CHST9: variants seen among roughly 807,000 people sequenced by gnomAD.
CHST9 encodes carbohydrate sulfotransferase 9.
In CHST9, 41 loss-of-function variants were observed where a neutral mutation model predicts 44.4. The observed-to-expected ratio is 0.92, with a 90% CI of 0.72 to 1.20. The LOEUF is 1.20. Ranked by LOEUF, CHST9 falls within the 50% of genes most tolerant of loss-of-function variation. The pLI, the probability that CHST9 is intolerant of heterozygous loss-of-function variation, is 0.00. For synonymous variants in CHST9, 171 were observed against 178.4 expected (o/e 0.96, Z 0.33); for missense variants, 504 against 516.5 (o/e 0.98, Z 0.23).
At chr18:27,122,056 AGAGGAGT>A (rs1269729228) in intron 2 of CHST9, among the ~76,000 whole-genome samples, 1 of 152,200 alleles carries the variant, frequency 6.6e-6, no homozygotes, top group Non-Finnish European at 1.5e-5. Flanking sequence ...CTAACAACCC[AGAGGAGT>A]AAAAGCAGGA....
At chr18:27,161,321 T>C in intron 1 of CHST9, among the ~76,000 whole-genome samples, 1 of 152,142 alleles carries the variant, frequency 6.6e-6, no homozygotes, top group Non-Finnish European at 1.5e-5. Context: ...TCTTTGTTCT[T>C]GTTTGTTTCA....
chr18:27,000,662 A>ATCTATCTATCTATCTATCTC (rs1568127530), intron 4 of CHST9, among the ~76,000 whole-genome samples: 2 of 131,588 alleles, frequency 1.5e-5, no homozygotes, highest in African/African-American at 5.3e-5. Flanking sequence ...CTATCTCTCT[A>ATCTATCTATCTATCTATCTC]TCTATCTATT....
chr18:27,076,411 C>T (rs948175342), intron 2 of CHST9, among the ~76,000 whole-genome samples: 8 of 152,040 alleles, frequency 5.3e-5, no homozygotes, highest in Non-Finnish European at 1.0e-4. Flanking sequence ...CACTAAGTTT[C>T]CACTTAAAAC....
chr18:27,075,131 T>A (rs1420041542), intron 2 of CHST9, among the ~76,000 whole-genome samples: 1 of 150,676 alleles, frequency 6.6e-6, no homozygotes, highest in African/African-American at 2.4e-5. Context: ...GCAGCTCTTA[T>A]GAGAGGGTTT....
chr18:27,054,075 G>C lies in CHST9; in HGVS notation c.122-5572C>G, dbSNP rs76186158. On this transcript the variant is annotated intron_variant, in intron 2 of 5. Transcript: ENST00000618847. ...CAGGACAAGTCGAGAGTCCCATATC[G>C]TTCTCTCTCCTGATGTCTAGCACCG... is the stretch of plus-strand genomic sequence containing the variant. Among the ~76,000 whole-genome samples the C allele has an allele frequency of 1.4e-3, 215 of 152,246 alleles. 2 individuals are homozygous for C. In the East Asian group the frequency reaches 0.034, roughly 24 times the overall value.
chr18:27,071,799 T>C lies in CHST9; in HGVS notation c.122-23296A>G, dbSNP rs139053085. 1.3e-3 allele frequency among the ~76,000 whole-genome samples: 193 copies of C among 152,262 alleles called. 3 individuals carry two copies. Among genetic ancestry groups the C allele is most frequent in the Admixed American group, 0.012 (180 of 15,296 alleles). On this transcript the variant is annotated intron_variant, in intron 2 of 5. Coordinates refer to ENST00000618847, the MANE Select transcript of CHST9 (RefSeq NM_031422.6). ...AAATAATGAGCAGGCATTAATATAATAACAAAGGGCCTTGGGGGGGATCCC... is the reference window on the plus strand; with the variant it reads ...AAATAATGAGCAGGCATTAATATAACAACAAAGGGCCTTGGGGGGGATCCC...
intron 2 of CHST9, among the ~76,000 whole-genome samples, chr18:27,085,344 T>G (rs1227678992): frequency 6.6e-6 from 1 of 152,124 alleles, no homozygotes; most frequent in Non-Finnish European, 1.5e-5. Flanking sequence ...ACCTACAGAA[T>G]GGAAGAAAAT....
intron 5 of CHST9, among the ~76,000 whole-genome samples, chr18:26,941,456 C>G (rs186111564): frequency 4.7e-4 from 72 of 152,074 alleles, no homozygotes; most frequent in African/African-American, 1.5e-3. Context: ...TTAGTTTTCC[C>G]ATTCTCATGC....
At chr18:27,183,696 G>A (rs968179405) in intron 1 of CHST9, among the ~76,000 whole-genome samples, 7 of 152,126 alleles carry the variant, frequency 4.6e-5, no homozygotes, top group African/African-American at 1.7e-4. Flanking sequence ...GAATCATACT[G>A]TTTGATCGTA....
At chr18:27,017,761 T>C (rs1401163022) in intron 4 of CHST9, among the ~76,000 whole-genome samples, 1 of 152,206 alleles carries the variant, frequency 6.6e-6, no homozygotes, top group African/African-American at 2.4e-5. Context: ...GAGAGAATAC[T>C]TAAGATCTGG....
chr18:26,984,727 GAC>G (rs1388937703), intron 4 of CHST9, among the ~76,000 whole-genome samples: 2 of 55,340 alleles, frequency 3.6e-5, no homozygotes, highest in African/African-American at 1.5e-4. Context: ...ATTACCAAAA[GAC>G]AAAAAAAAAA....
intron 1 of CHST9, among the ~76,000 whole-genome samples, chr18:27,161,076 G>A (rs1036219308): frequency 1.3e-5 from 2 of 151,668 alleles, no homozygotes; most frequent in African/African-American, 4.8e-5. Context: ...TGGATTCATT[G>A]ATTTTTTGAA....
intron 4 of CHST9, among the ~76,000 whole-genome samples, chr18:27,013,603 A>C (rs1283960514): frequency 6.6e-6 from 1 of 152,246 alleles, no homozygotes; most frequent in Non-Finnish European, 1.5e-5. Flanking sequence ...AAAAATTAGC[A>C]AAGAGCCTTA....
intron 2 of CHST9, among the ~76,000 whole-genome samples, chr18:27,062,846 C>T (rs141386873): frequency 0.01 from 1,541 of 152,236 alleles, 20 homozygotes; most frequent in African/African-American, 0.035. Flanking sequence ...TTTTAATGAT[C>T]GCCATTCTAA....
In CHST9 at chr18:27,048,447, C is replaced by T; in HGVS notation, c.160+18G>A. The T allele has an allele frequency of 6.3e-7, 1 of 1,592,988 alleles. No homozygotes were observed. The highest frequency in any genetic ancestry group is 8.6e-7 in the Non-Finnish European group (1 of 1,168,656). ...AAAATCAGGAAATAAAGCTGGAGCC[C>T]ATTGGACAAAATCTTACCTGAAGTT... On this transcript the variant is annotated intron_variant, in intron 3 of 5. Transcript: ENST00000618847.
intron 4 of CHST9, among the ~76,000 whole-genome samples, chr18:26,986,152 T>C (rs1343173325): frequency 2.0e-5 from 3 of 152,124 alleles, no homozygotes; most frequent in Non-Finnish European, 4.4e-5. Context: ...CAATTTAACT[T>C]AAACAGAAAT....
At chr18:27,113,206 AAT>A (rs1407835984) in intron 2 of CHST9, among the ~76,000 whole-genome samples, 3 of 151,050 alleles carry the variant, frequency 2.0e-5, no homozygotes, top group African/African-American at 7.4e-5. Context: ...AAAAAAAAAA[AAT>A]CAATTGATGA....
At chr18:27,037,242 C>A (rs557917163) in intron 3 of CHST9, among the ~76,000 whole-genome samples, 2 of 152,264 alleles carry the variant, frequency 1.3e-5, no homozygotes, top group Admixed American at 1.3e-4. Context: ...AAACCTGTTA[C>A]TTTTCACCCA....
chr18:27,006,994 C>T (rs568652444), intron 4 of CHST9, among the ~76,000 whole-genome samples: 7 of 152,108 alleles, frequency 4.6e-5, no homozygotes, highest in Admixed American at 1.3e-4. Context: ...TGTGTGTGTG[C>T]GTGTATATGC....
Sources: gnomAD v4.1 joint callset for allele counts (sites outside exome capture counted in the v4.1 genomes callset) on GRCh38, gnomAD v4.1.1 for gene constraint, MANE v1.5 for transcripts, NCBI Gene and HGNC (gene_info 2026-07-23, HGNC 2026-07-21) for gene names.